The following C6orf132 variants were observed in gnomAD, a reference collection of about 807,000 sequenced individuals.
C6orf132 encodes the protein chromosome 6 open reading frame 132, also known as uncharacterized protein C6orf132.
In C6orf132, 43 loss-of-function variants were observed where a neutral mutation model predicts 65.3. The observed-to-expected ratio is 0.66, with a 90% CI of 0.52 to 0.85. C6orf132 has a LOEUF of 0.85. C6orf132 is among the 40% of genes least tolerant of loss of function. The pLI, the probability that C6orf132 is intolerant of heterozygous loss-of-function variation, is 0.00. For missense variants in C6orf132, 1,488 were observed against 1,548.8 expected, an observed-to-expected ratio of 0.96 and a Z score of 0.66; for synonymous variants, 631 against 654.1, an observed-to-expected ratio of 0.96 and a Z score of 0.54.
At chr6:42,125,038 C>T (rs567114196) in intron 2 of C6orf132, among the ~76,000 whole-genome samples, 5 of 152,232 alleles carry the variant, frequency 3.3e-5, no homozygotes, top group African/African-American at 1.2e-4. Flanking sequence ...TGGCTCACAG[C>T]CTCATCATGG....
chr6:42,129,953 C>T (rs1179128706), intron 1 of C6orf132, among the ~76,000 whole-genome samples: 1 of 152,236 alleles, frequency 6.6e-6, no homozygotes, highest in Non-Finnish European at 1.5e-5. Flanking sequence ...AGAGACTGGG[C>T]TTGTCAGGAA....
intron 1 of C6orf132, among the ~76,000 whole-genome samples, chr6:42,141,249 C>T (rs778994072): frequency 4.6e-5 from 7 of 152,168 alleles, no homozygotes; most frequent in Non-Finnish European, 8.8e-5. Context: ...GGCACCAAGG[C>T]TATGACATCC....
rs746786707 is a variant in C6orf132, at chr6:42,107,482, G to T, written c.430C>A (p.Pro144Thr). Reference sequence around the variant, plus strand: ...TGAGGGGGCCCTGGGGCTGGGCCTGGGGGAGGTGGGGGGATGAGTAGATCC... The same window carrying T: ...TGAGGGGGCCCTGGGGCTGGGCCTGTGGGAGGTGGGGGGATGAGTAGATCC... ...GQDLLIPPPP[P>T]GPAPGPPQDI... Residue 144 changes from proline (P) to threonine (T), a missense_variant, in exon 4 of 5, where the codon CCA becomes ACA. By Grantham distance (38) the Pro-to-Thr change is conservative. Transcript: ENST00000341865. The T allele has an allele frequency of 1.3e-6, 2 of 1,547,170 alleles. No individual in the cohort carries two copies. Among genetic ancestry groups the T allele is most frequent in the South Asian group, 2.4e-5 (2 of 83,990 alleles).
intron 1 of C6orf132, among the ~76,000 whole-genome samples, chr6:42,134,286 G>A (rs1483997265): frequency 6.6e-6 from 1 of 152,236 alleles, no homozygotes; most frequent in Non-Finnish European, 1.5e-5. Context: ...CTTTGTACAT[G>A]TGAACAGTGG....
At chr6:42,136,886 G>GC (rs137933587) in intron 1 of C6orf132, among the ~76,000 whole-genome samples, 5,683 of 152,064 alleles carry the variant, frequency 0.037, 147 homozygotes, top group Middle Eastern at 0.078. Context: ...GAATGGCGCC[G>GC]CCCCCCCAGC....
intron 2 of C6orf132, among the ~76,000 whole-genome samples, chr6:42,121,446 G>A (rs1332807121): frequency 1.3e-5 from 2 of 152,194 alleles, no homozygotes; most frequent in Non-Finnish European, 2.9e-5. Flanking sequence ...GCAGTTTTGT[G>A]GGGGCTGGGG....
intron 1 of C6orf132, among the ~76,000 whole-genome samples, chr6:42,140,960 G>A (rs1041823059): frequency 6.6e-6 from 1 of 152,148 alleles, no homozygotes; most frequent in Non-Finnish European, 1.5e-5. Flanking sequence ...TGCTCCTCCT[G>A]GTCTTTGCTT....
At chr6:42,125,268 C>T (rs866291490) in intron 2 of C6orf132, among the ~76,000 whole-genome samples, 6 of 152,158 alleles carry the variant, frequency 3.9e-5, no homozygotes, top group East Asian at 3.9e-4. Flanking sequence ...GGATTCCAGT[C>T]GCGCTCTGCC....
intron 3 of C6orf132, among the ~76,000 whole-genome samples, chr6:42,108,419 T>G (rs1766446996): frequency 6.6e-6 from 1 of 152,190 alleles, no homozygotes; most frequent in Non-Finnish European, 1.5e-5. Context: ...TCCTACCATC[T>G]GTGCTTAACT....
chr6:42,129,052 G>C (rs1325640604), intron 1 of C6orf132, among the ~76,000 whole-genome samples: 1 of 152,228 alleles, frequency 6.6e-6, no homozygotes, highest in Admixed American at 6.5e-5. Context: ...CCACCACGCT[G>C]TACCGTCCTG....
chr6:42,106,228 T>C lies in C6orf132; in HGVS notation c.1684A>G (p.Ser562Gly), dbSNP rs1180615318. Residue 562 changes from serine to glycine, a missense_variant, in exon 4 of 5, where the codon AGT becomes GGT. By Grantham distance (56) the Ser-to-Gly change is moderately conservative. Coordinates refer to ENST00000341865, the MANE Select transcript of C6orf132 (RefSeq NM_001164446.3). ...DYIPQDSPTP[S>G]VRQIRNELEA... ...AGCTCATTCCGGATCTGCCGCACAC[T>C]GGGAGTTGGAGAGTCTTGGGGAATG... 5.2e-6 allele frequency: 8 copies of C among 1,537,140 alleles called. No homozygotes were observed. The highest frequency in any genetic ancestry group is 2.4e-5 in the South Asian group (2 of 84,060).
At chr6:42,137,381 C>A (rs1467271922) in intron 1 of C6orf132, among the ~76,000 whole-genome samples, 1 of 152,128 alleles carries the variant, frequency 6.6e-6, no homozygotes, top group South Asian at 2.1e-4. Flanking sequence ...AGCACACCTC[C>A]AGGGAACAGG....
chr6:42,138,850 A>AACACACACACAGACACACACAC, intron 1 of C6orf132, among the ~76,000 whole-genome samples: 1 of 142,862 alleles, frequency 7.0e-6, no homozygotes, highest in Non-Finnish European at 1.5e-5. Context: ...CATGCATTTA[A>AACACACACACAGACACACACAC]ACACACACAC....
At chr6:42,142,180 C>T (rs1260632886) in intron 1 of C6orf132, 120 bp downstream of exon 1, 3 of 1,184,566 alleles carry the variant, frequency 2.5e-6, no homozygotes, top group East Asian at 5.2e-5. Context: ...CGGCTGCTCT[C>T]GGCCAGTCCG....
chr6:42,129,506 G>A (rs1199028032), intron 1 of C6orf132, among the ~76,000 whole-genome samples: 1 of 152,192 alleles, frequency 6.6e-6, no homozygotes, highest in Admixed American at 6.5e-5. Context: ...AGTGTGGCCA[G>A]GGCATAGTAA....
intron 1 of C6orf132, among the ~76,000 whole-genome samples, chr6:42,133,853 T>TA (rs751194152): frequency 0.19 from 28,209 of 147,994 alleles, 3,914 homozygotes; most frequent in African/African-American, 0.37. Context: ...GCGGGGGAGG[T>TA]GGATTTACAC....
chr6:42,107,642 TTC>T (rs747804393), intron 3 of C6orf132, 59 bp from the exon 4 acceptor site: 291 of 1,547,566 alleles, frequency 1.9e-4, no homozygotes, highest in Non-Finnish European at 2.4e-4. Flanking sequence ...CCCTGCCAAT[TTC>T]TGTTTACCCA....
At chr6:42,142,190 G>T in intron 1 of C6orf132, 110 bp downstream of exon 1, 2 of 1,267,112 alleles carry the variant, frequency 1.6e-6, no homozygotes, top group East Asian at 5.1e-5. Flanking sequence ...CGGCCAGTCC[G>T]CAGGTTCCAA....
At chr6:42,113,623 T>C (rs1766523600) in intron 2 of C6orf132, among the ~76,000 whole-genome samples, 1 of 152,154 alleles carries the variant, frequency 6.6e-6, no homozygotes, top group Non-Finnish European at 1.5e-5. Flanking sequence ...AAGACCAGCC[T>C]GGCCAACATG....
Sources: gnomAD v4.1 joint callset for allele counts (sites outside exome capture counted in the v4.1 genomes callset) on GRCh38, gnomAD v4.1.1 for gene constraint, MANE v1.5 for transcripts, NCBI Gene and HGNC (gene_info 2026-07-23, HGNC 2026-07-21) for gene names.